The following PGBD5 variants were observed in gnomAD, a reference collection of about 807,000 sequenced individuals.
PGBD5 encodes the protein piggyBac transposable element derived 5.
In PGBD5, 14 loss-of-function variants were observed where a neutral mutation model predicts 47.9. The observed-to-expected ratio is 0.29, with a 90% CI of 0.19 to 0.46. The LOEUF (loss-of-function observed/expected upper bound fraction) is 0.46, where lower values mean the gene tolerates loss of function less well. Ranked by LOEUF, PGBD5 falls within the 20% of genes least tolerant of loss-of-function variation. The pLI, the probability that PGBD5 is intolerant of heterozygous loss-of-function variation, is 1.00. For missense variants in PGBD5, 635 were observed against 716.0 expected (o/e 0.89, Z 1.29); for synonymous variants, 316 against 306.3 (o/e 1.03, Z -0.33).
At chr1:230,372,450 C>A (rs1377396862) in intron 1 of PGBD5, among the ~76,000 whole-genome samples, 1 of 152,178 alleles carries the variant, frequency 6.6e-6, no homozygotes, top group Non-Finnish European at 1.5e-5. Flanking sequence ...ATAAGCCATA[C>A]CTAGCAACAT....
At chr1:230,356,836 G>A (rs542715995) in intron 2 of PGBD5, 58 bp downstream of exon 2, 24 of 1,560,608 alleles carry the variant, frequency 1.5e-5, no homozygotes, top group East Asian at 1.4e-4. Context: ...AACAGACAAG[G>A]CTAGGCCGAG....
chr1:230,365,906 C>T (rs1442045248), intron 1 of PGBD5, among the ~76,000 whole-genome samples: 2 of 152,148 alleles, frequency 1.3e-5, no homozygotes, highest in Non-Finnish European at 2.9e-5. Flanking sequence ...GGATTTTTAC[C>T]CCTTCAGCCA....
intron 1 of PGBD5, among the ~76,000 whole-genome samples, chr1:230,402,501 C>T (rs1657162121): frequency 6.6e-6 from 1 of 152,222 alleles, no homozygotes; most frequent in South Asian, 2.1e-4. Flanking sequence ...AGAGAGCTCA[C>T]TGTTGGGGGA....
intron 4 of PGBD5, 146 bp from the exon 5 acceptor site, chr1:230,333,187 A>C: frequency 2.6e-6 from 2 of 779,374 alleles, no homozygotes; most frequent in South Asian, 3.7e-5. Context: ...AGACCCCTCT[A>C]GAAGAGACTG....
intron 1 of PGBD5, among the ~76,000 whole-genome samples, chr1:230,384,778 CT>C (rs1656594773): frequency 1.3e-5 from 2 of 152,170 alleles, no homozygotes; most frequent in African/African-American, 2.4e-5. Flanking sequence ...ATTCTCTGCA[CT>C]CAGGTGCTTA....
chr1:230,327,686 TGCAGAGGGGGC>T (rs1167999253), intron 5 of PGBD5, among the ~76,000 whole-genome samples: 1 of 152,188 alleles, frequency 6.6e-6, no homozygotes, highest in Non-Finnish European at 1.5e-5. Context: ...GTCGGGAGCC[TGCAGAGGGGGC>T]GTTCTCCAGG....
At chr1:230,401,101 T>A (rs1193250492) in intron 1 of PGBD5, among the ~76,000 whole-genome samples, 2 of 152,164 alleles carry the variant, frequency 1.3e-5, no homozygotes, top group Admixed American at 6.5e-5. Flanking sequence ...ATACCTAACA[T>A]TTACCAGAAG....
At chr1:230,399,060 G>GT (rs896737340) in intron 1 of PGBD5, among the ~76,000 whole-genome samples, 75 of 150,272 alleles carry the variant, frequency 5.0e-4, no homozygotes, top group Non-Finnish European at 3.1e-4. Context: ...GGTTACTAAG[G>GT]GGGGGTGGCT....
intron 1 of PGBD5, among the ~76,000 whole-genome samples, chr1:230,381,269 A>G (rs1360998298): frequency 6.6e-6 from 1 of 152,212 alleles, no homozygotes; most frequent in East Asian, 1.9e-4. Flanking sequence ...CCAGGTTGTG[A>G]GCACACTCAG....
At chr1:230,380,556 C>G (rs1486402484) in intron 1 of PGBD5, among the ~76,000 whole-genome samples, 1 of 152,246 alleles carries the variant, frequency 6.6e-6, no homozygotes, top group Non-Finnish European at 1.5e-5. Flanking sequence ...TAAGCAACAG[C>G]CCCTCACTCT....
chr1:230,351,123 C>A (rs549690554), intron 2 of PGBD5, 31 bp from the exon 3 acceptor site: 2 of 1,598,360 alleles, frequency 1.3e-6, no homozygotes, highest in Non-Finnish European at 1.7e-6. Context: ...GAGGCTCTCA[C>A]GGAAGGCAGC....
chr1:230,417,009 T>C lies in PGBD5; in HGVS notation c.331+8589A>G, dbSNP rs147276946. Among the ~76,000 whole-genome samples the C allele has an allele frequency of 6.1e-3, 932 of 152,310 alleles. 6 individuals are homozygous for C. The highest frequency in any genetic ancestry group is 9.8e-3 in the Non-Finnish European group (668 of 68,014). ...CAATGATATAAGAAGTGGAAGGATT[T>C]GTAGTTCTAAACTTTTTCATGAAAG... is the stretch of plus-strand genomic sequence containing the variant. On this transcript the variant is annotated intron_variant, in intron 1 of 6. Coordinates refer to ENST00000391860, the MANE Select transcript of PGBD5 (RefSeq NM_001258311.2).
At chr1:230,338,209 C>T (rs1379665188) in intron 3 of PGBD5, among the ~76,000 whole-genome samples, 2 of 152,222 alleles carry the variant, frequency 1.3e-5, no homozygotes, top group Non-Finnish European at 2.9e-5. Flanking sequence ...TAAATTGCTG[C>T]AGCACAAATG....
At chr1:230,350,844 C>T in intron 3 of PGBD5, 114 bp downstream of exon 3, 1 of 1,438,150 alleles carries the variant, frequency 7.0e-7, no homozygotes, top group Non-Finnish European at 9.3e-7. Context: ...GACTTGGACC[C>T]ACAGTGAAAA....
intron 1 of PGBD5, among the ~76,000 whole-genome samples, chr1:230,377,113 A>C (rs1252656834): frequency 6.6e-6 from 1 of 152,128 alleles, no homozygotes; most frequent in Non-Finnish European, 1.5e-5. Context: ...GCCCTTCCTA[A>C]CTCCAAGTGC....
chr1:230,393,181 GA>G (rs1167123826), intron 1 of PGBD5, among the ~76,000 whole-genome samples: 36 of 138,228 alleles, frequency 2.6e-4, no homozygotes, highest in African/African-American at 7.8e-4. Flanking sequence ...AAGGGGAAGG[GA>G]GGGGGGGAGG....
At chr1:230,423,023 A>T (rs1315382635) in intron 1 of PGBD5, among the ~76,000 whole-genome samples, 2 of 106,312 alleles carry the variant, frequency 1.9e-5, no homozygotes, top group African/African-American at 7.5e-5. Flanking sequence ...CTTTCTGATT[A>T]AAAAAAAAAA....
At chr1:230,409,247 T>C (rs563629086) in intron 1 of PGBD5, among the ~76,000 whole-genome samples, 3 of 152,338 alleles carry the variant, frequency 2.0e-5, no homozygotes, top group South Asian at 4.1e-4. Context: ...GGAACCTTCA[T>C]ACACTGCCAC....
intron 3 of PGBD5, among the ~76,000 whole-genome samples, chr1:230,346,230 A>G (rs866283430): frequency 2.6e-5 from 4 of 152,036 alleles, no homozygotes; most frequent in Non-Finnish European, 4.4e-5. Context: ...TTGTGGAGAC[A>G]GGGTTTTGCC....
Sources: gnomAD v4.1 joint callset for allele counts (sites outside exome capture counted in the v4.1 genomes callset) on GRCh38, gnomAD v4.1.1 for gene constraint, MANE v1.5 for transcripts, NCBI Gene and HGNC (gene_info 2026-07-23, HGNC 2026-07-21) for gene names.